SV2B: variants seen among roughly 807,000 people sequenced by gnomAD.
SV2B encodes the protein solute carrier family 22 member B2.
A neutral mutation model predicts 73.9 loss-of-function variants in SV2B; 41 were observed. The ratio of observed to expected loss-of-function variants is 0.56; its 90% CI spans 0.43 to 0.72. SV2B has a LOEUF of 0.72. Ranked by LOEUF, SV2B falls within the 30% of genes least tolerant of loss-of-function variation. SV2B has a pLI of 0.00. For missense variants in SV2B, 764 were observed against 857.8 expected (o/e 0.89, Z 1.37); for synonymous variants, 314 against 314.2 (o/e 1.00, Z 0.01).
chr15:91,247,890 T>G (rs1371147446), intron 2 of SV2B, among the ~76,000 whole-genome samples: 1 of 152,196 alleles, frequency 6.6e-6, no homozygotes, highest in Non-Finnish European at 1.5e-5. Context: ...AACTGCACAG[T>G]GTTCATTGCT....
chr15:91,117,049 G>A (rs930588761), intron 1 of SV2B, among the ~76,000 whole-genome samples: 1 of 152,144 alleles, frequency 6.6e-6, no homozygotes, highest in Non-Finnish European at 1.5e-5. Flanking sequence ...TGAGATTTGG[G>A]TGGGGACACA....
chr15:91,302,029 T>C lies in SV2B; in HGVS notation c.*9477T>C, dbSNP rs2049459018. On this transcript the variant is annotated 3_prime_UTR_variant, in exon 13 of 13. Transcript: ENST00000394232. ...AGCCAGGGTCATCTGCTGCAGATGT[T>C]TCTGGGCCACTAGGCCAATATTAAC... 6.6e-6 allele frequency among the ~76,000 whole-genome samples: 1 copy of C among 152,190 alleles called. No individual in the cohort carries two copies.
intron 1 of SV2B, among the ~76,000 whole-genome samples, chr15:91,131,384 AT>A (rs1046072974): frequency 4.0e-5 from 6 of 150,372 alleles, no homozygotes; most frequent in South Asian, 4.2e-4. Context: ...GAACATCTGT[AT>A]TGGGGGGGGT....
chr15:91,166,612 C>T (rs2043920732), intron 1 of SV2B, among the ~76,000 whole-genome samples: 1 of 151,924 alleles, frequency 6.6e-6, no homozygotes, highest in Admixed American at 6.5e-5. Flanking sequence ...GATATAGTTC[C>T]ATAGGTCCCG....
intron 1 of SV2B, among the ~76,000 whole-genome samples, chr15:91,116,706 A>G (rs1349869935): frequency 6.6e-6 from 1 of 152,158 alleles, no homozygotes; most frequent in East Asian, 1.9e-4. Flanking sequence ...GGAACTCATA[A>G]ACGGCTGTAT....
Position 91,226,246 on chromosome 15 carries a change from C to T in SV2B, c.-18C>T, listed in dbSNP as rs534712413. ...GGATATAGCTCAAGGGGCAACCAGG[C>T]AGTCGCAGAACCAAGGAATGGATGA... On this transcript the variant is annotated 5_prime_UTR_variant, in exon 2 of 13. Transcript: ENST00000394232. The T allele has an allele frequency of 1.7e-5, 28 of 1,613,060 alleles. 1 individual carries two copies. The South Asian group carries it at 2.7e-4, about 16-fold the overall frequency.
chr15:91,246,850 G>T (rs1019957688), intron 2 of SV2B, among the ~76,000 whole-genome samples: 1 of 151,990 alleles, frequency 6.6e-6, no homozygotes, highest in South Asian at 2.1e-4. Context: ...ATATGCCACC[G>T]AGCTTGTTGA....
chr15:91,232,824 C>T lies in SV2B; in HGVS notation c.451+6110C>T, dbSNP rs1567371448. On this transcript the variant is annotated intron_variant, in intron 2 of 12. Transcript: ENST00000394232. This position sits in a 1 kb window ranked among gnomAD's most constrained non-coding sequence, Gnocchi z 4.7. ...TTGGGATACAAATGATCCCATCACC[C>T]AGATAGTGAGCAAAGAACCTAACTG... Among the ~76,000 whole-genome samples, 4 of 152,160 alleles carry T rather than the reference C, an allele frequency of 2.6e-5. No individual in the cohort carries two copies. Among genetic ancestry groups the T allele is most frequent in the Non-Finnish European group, 5.9e-5 (4 of 68,022 alleles).
rs1004858559 is a variant in SV2B at position 91,110,283 on chromosome 15, G to A, written c.-392+9920G>A. The stretch of plus-strand genomic sequence containing the variant: ...TGGAGAGAGGGTCAAAGCTCAGGTC[G>A]GGGCTGTAGCAATGTTAAGTTTGTA... On this transcript the variant is annotated intron_variant, in intron 1 of 12. Coordinates refer to ENST00000394232, the MANE Select transcript of SV2B (RefSeq NM_001323032.3). The surrounding 1 kb of genome is among the most constrained non-coding windows in gnomAD (Gnocchi z 5.4). 1.2e-4 allele frequency among the ~76,000 whole-genome samples: 18 copies of A among 152,124 alleles called. No homozygotes were observed. Among genetic ancestry groups the A allele is most frequent in the African/African-American group, 4.3e-4 (18 of 41,404 alleles).
At chr15:91,168,135 T>A (rs2043980631) in intron 1 of SV2B, among the ~76,000 whole-genome samples, 1 of 152,158 alleles carries the variant, frequency 6.6e-6, no homozygotes, top group South Asian at 2.1e-4. Flanking sequence ...TACCTAGATT[T>A]AGAAGGTAGT....
At chr15:91,160,025 A>G (rs1161910440) in intron 1 of SV2B, among the ~76,000 whole-genome samples, 1 of 152,212 alleles carries the variant, frequency 6.6e-6, no homozygotes, top group Non-Finnish European at 1.5e-5. Context: ...TAATATCTAC[A>G]TGAAGGAAAC....
intron 1 of SV2B, among the ~76,000 whole-genome samples, chr15:91,179,709 T>C (rs559546645): frequency 7.3e-4 from 111 of 152,340 alleles, no homozygotes; most frequent in African/African-American, 2.5e-3. Flanking sequence ...GAGACTAAGA[T>C]TGCAACCCCT....
chr15:91,202,808 G>T (rs1335458797), intron 1 of SV2B, among the ~76,000 whole-genome samples: 2 of 152,098 alleles, frequency 1.3e-5, no homozygotes, highest in Admixed American at 6.5e-5. Context: ...TGGGTCAATG[G>T]GCCTGGCCTT....
At chr15:91,100,107 A>G (rs1029915324), upstream of SV2B, 1 of 152,250 alleles carries the variant, frequency 6.6e-6, no homozygotes, top group Non-Finnish European at 1.5e-5. The surrounding 1 kb of genome is among the most constrained non-coding windows in gnomAD (Gnocchi z 6.4). Context: ...AAAGCGGGTT[A>G]GGATCTGATC....
At chr15:91,186,044 A>T (rs894323910) in intron 1 of SV2B, among the ~76,000 whole-genome samples, 2 of 152,134 alleles carry the variant, frequency 1.3e-5, no homozygotes, top group African/African-American at 4.8e-5. Context: ...ATACACGAGG[A>T]TTCTTTATGG....
At chr15:91,276,977 C>T (rs1386354538) in intron 9 of SV2B, among the ~76,000 whole-genome samples, 3 of 152,066 alleles carry the variant, frequency 2.0e-5, no homozygotes, top group Non-Finnish European at 2.9e-5. Flanking sequence ...TGCAACACCA[C>T]ACCTGGCTAA....
At chr15:91,201,757 G>A (rs1351312124) in intron 1 of SV2B, among the ~76,000 whole-genome samples, 2 of 152,178 alleles carry the variant, frequency 1.3e-5, no homozygotes, top group African/African-American at 4.8e-5. Context: ...AATCCAGATA[G>A]CTCTACCTGC....
chr15:91,217,775 C>T (rs986751463), intron 1 of SV2B, among the ~76,000 whole-genome samples: 3 of 152,218 alleles, frequency 2.0e-5, no homozygotes, highest in Admixed American at 1.3e-4. Flanking sequence ...TCTTAGAAAT[C>T]GTCCAGAACA....
At chr15:91,147,425 G>A (rs903830308) in intron 1 of SV2B, among the ~76,000 whole-genome samples, 1 of 152,212 alleles carries the variant, frequency 6.6e-6, no homozygotes, top group Non-Finnish European at 1.5e-5. Context: ...TCATTTCAGT[G>A]CCAGTGCCAC....
Sources: allele counts gnomAD v4.1 joint callset (sites outside exome capture counted in the v4.1 genomes callset), GRCh38; gene constraint gnomAD v4.1.1; non-coding constraint Gnocchi (gnomAD v3.1); transcripts MANE v1.5; gene names NCBI Gene and HGNC (gene_info 2026-07-23, HGNC 2026-07-21).